The following ELK4 variants were observed in gnomAD, a reference collection of about 807,000 sequenced individuals.
The protein encoded by ELK4 is ETS domain-containing protein Elk-4.
ELK4 carries 16 observed loss-of-function variants against 29.6 expected under a neutral mutation model. The observed-to-expected ratio is 0.54, with a 90% CI of 0.37 to 0.82. ELK4 has a LOEUF of 0.82. Ranked by LOEUF, ELK4 falls within the 40% of genes least tolerant of loss-of-function variation. The pLI is 0.00. For missense variants in ELK4, 465 were observed against 507.1 expected (o/e 0.92, Z 0.80); for synonymous variants, 213 against 191.1 (o/e 1.11, Z -0.95).
Position 205,623,688 on chromosome 1 carries a change from G to C in ELK4, c.195C>G (p.Tyr65Ter). Residue 65 changes from tyrosine to a stop codon, truncating the protein, a stop_gained, in exon 2 of 5, where the codon TAC (tyrosine) becomes TAG (stop). Transcript: ENST00000357992. LOFTEE classifies it high-confidence loss of function. The stretch of plus-strand genomic sequence containing the variant: ...GGATGTGTACTACCTTTACATAATA[G>C]TATCTGAGGGCTCGGCTGAGTTTGT... ...NYDKLSRALR[Y>*]YYVKNIIKKV... 1 of 1,614,042 alleles carries C rather than the reference G, an allele frequency of 6.2e-7. No homozygotes were observed. The highest frequency in any genetic ancestry group is 8.5e-7 in the Non-Finnish European group (1 of 1,179,984).
chr1:205,626,169 G>A (rs994190123), intron 1 of ELK4: 3 of 635,330 alleles, frequency 4.7e-6, no homozygotes, highest in African/African-American at 1.8e-5. Flanking sequence ...CTACCCCTGA[G>A]CTGGAAGGGG....
intron 1 of ELK4, 115 bp from the exon 2 acceptor site, chr1:205,624,006 A>G: frequency 1.1e-6 from 1 of 931,728 alleles, no homozygotes; most frequent in Non-Finnish European, 1.6e-6. Context: ...CCACATTTCT[A>G]TAAGGTAGAT....
At chr1:205,619,892 T>C in intron 3 of ELK4, 74 bp downstream of exon 3, 2 of 1,614,138 alleles carry the variant, frequency 1.2e-6, no homozygotes, top group Non-Finnish European at 1.7e-6. Context: ...AACTTGAGTG[T>C]ATAAATTCTG....
rs1254853019 is a variant in ELK4 at position 205,614,987 on chromosome 1, G to A, written c.*1559C>T. On this transcript the variant is annotated 3_prime_UTR_variant, in exon 5 of 5. Transcript: ENST00000357992. Reference sequence around the variant, plus strand: ...TGTACCTGGCATTGATTACCATATAGTAATATTTTAAAAATTTGGTAATGT... The same window carrying A: ...TGTACCTGGCATTGATTACCATATAATAATATTTTAAAAATTTGGTAATGT... 4.8e-6 allele frequency: 1 copy of A among 207,212 alleles called. No individual in the cohort carries two copies. Among genetic ancestry groups the A allele is most frequent in the Non-Finnish European group, 9.8e-6 (1 of 101,846 alleles). The allele number at this position is 207,212 out of a possible 1,614,324, so 12.8% of individuals were successfully genotyped here. A position where few individuals can be genotyped will look rare whatever the true frequency, so the allele number is the denominator to read the frequency against.
At chr1:205,624,801 T>C (rs1053823902) in intron 1 of ELK4, among the ~76,000 whole-genome samples, 2 of 152,066 alleles carry the variant, frequency 1.3e-5, no homozygotes, top group Non-Finnish European at 2.9e-5. Context: ...ATTGAGACCA[T>C]CAAAAATATC....
rs567417427 is a variant in ELK4, at chr1:205,608,569, GA to G, written c.*7976del. On this transcript the variant is annotated 3_prime_UTR_variant, in exon 5 of 5. Transcript: ENST00000357992. ...ATTTTAATTGCTTTTTTAGGAAAAA[GA>G]AAAAAAAAAGGTGCTTTTAATACTT... is the stretch of plus-strand genomic sequence containing the variant. 291 of 176,202 alleles carry G rather than the reference GA, an allele frequency of 1.7e-3. 1 individual carries two copies. Among genetic ancestry groups the G allele is most frequent in the East Asian group, 4.3e-3 (45 of 10,390 alleles). 10.9% of individuals were successfully genotyped at this position (176,202 alleles called of 1,614,324 possible). A position where few individuals can be genotyped will look rare whatever the true frequency, so the allele number is the denominator to read the frequency against.
At position 205,631,944 on chromosome 1, in the gene ELK4, C is replaced by A. The variant is rs1054920359; in HGVS notation, c.-322G>T. 1 of 150,280 alleles carries A rather than the reference C, an allele frequency of 6.7e-6. No individual in the cohort carries two copies. Among genetic ancestry groups the A allele is most frequent in the Non-Finnish European group, 1.5e-5 (1 of 66,908 alleles). 9.3% of individuals were successfully genotyped at this position (150,280 alleles called of 1,614,324 possible). ...GCGTTCCTTGCAGCGGCGGGGCCTG[C>A]CAGGCCCTCCGCGGCCGCCGCCACT... On this transcript the variant is annotated 5_prime_UTR_variant, in exon 1 of 5. Coordinates refer to ENST00000357992, the MANE Select transcript of ELK4 (RefSeq NM_001973.4).
chr1:205,610,596 T>G lies in ELK4; in HGVS notation c.*5950A>C, dbSNP rs1032892617. ...GACTTTGTTTAGAGTATGTCACATG[T>G]AAGCAGTGTATTTCTAAAATGTTGG... On this transcript the variant is annotated 3_prime_UTR_variant, in exon 5 of 5. Transcript: ENST00000357992. The G allele has an allele frequency of 4.3e-6, 1 of 230,320 alleles. No homozygotes were observed. The highest frequency in any genetic ancestry group is 8.6e-6 in the Non-Finnish European group (1 of 116,314). 14.3% of individuals were successfully genotyped at this position (230,320 alleles called of 1,614,324 possible).
chr1:205,624,726 A>C (rs983798829), intron 1 of ELK4, among the ~76,000 whole-genome samples: 6 of 152,112 alleles, frequency 3.9e-5, no homozygotes, highest in African/African-American at 1.4e-4. Flanking sequence ...TGTCCTGTAC[A>C]CTGCAGTTTG....
At chr1:205,625,494 G>C (rs1670435043) in intron 1 of ELK4, 3 of 710,240 alleles carry the variant, frequency 4.2e-6, no homozygotes, top group Non-Finnish European at 7.9e-6. Context: ...TGAAATTCGT[G>C]TACAAAGAAG....
At chr1:205,623,523 T>C (rs1670393877) in intron 2 of ELK4, among the ~76,000 whole-genome samples, 153 bp downstream of exon 2, 1 of 151,998 alleles carries the variant, frequency 6.6e-6, no homozygotes, top group African/African-American at 2.4e-5. Context: ...CCACATCGGT[T>C]AGGCTGGTCT....
At chr1:205,621,272 AAACTTTCAAAATCACCTAAATTCATC>A (rs1375556530) in intron 2 of ELK4, among the ~76,000 whole-genome samples, 1 of 152,038 alleles carries the variant, frequency 6.6e-6, no homozygotes, top group East Asian at 1.9e-4. Context: ...CACTTACTTA[AAACTTTCAAAATCACCTAAATTCATC>A]TAGCCATACC....
Position 205,620,384 on chromosome 1 carries a change from G to A in ELK4, c.662C>T (p.Thr221Ile), listed in dbSNP as rs1670313481. The A allele has an allele frequency of 2.5e-6, 4 of 1,614,188 alleles. No homozygotes were observed. The highest frequency in any genetic ancestry group is 3.4e-6 in the Non-Finnish European group (4 of 1,180,036). Reference protein sequence around the residue: ...GPSISPSSEETIQALETLVSP... With the variant: ...GPSISPSSEEIIQALETLVSP... The stretch of plus-strand genomic sequence containing the variant: ...AACCAATGTCTCCAAAGCTTGGATA[G>A]TTTCTTCTGAAGATGGAGAAATACT... Residue 221 changes from threonine (T) to isoleucine (I), a missense_variant, in exon 3 of 5, where the codon ACT becomes ATT. By Grantham distance (89) the Thr-to-Ile change is moderately conservative. Around this residue, in one of 2 missense-constraint regions of ELK4, gnomAD observed 385 missense variants for 387.5 expected, o/e 0.99. Coordinates refer to ENST00000357992, the MANE Select transcript of ELK4 (RefSeq NM_001973.4).
At chr1:205,625,849 T>C in intron 1 of ELK4, 2 of 615,104 alleles carry the variant, frequency 3.3e-6, no homozygotes. Context: ...CAGCTAATTT[T>C]TGTATTTTTA....
At chr1:205,620,999 AG>A (rs1178031373) in intron 2 of ELK4, among the ~76,000 whole-genome samples, 161 bp from the exon 3 acceptor site, 13 of 152,200 alleles carry the variant, frequency 8.5e-5, no homozygotes, top group Middle Eastern at 3.4e-3. Context: ...GATTGAGACC[AG>A]CCTGGCCAAC....
chr1:205,619,700 G>A, intron 3 of ELK4: 3 of 1,432,908 alleles, frequency 2.1e-6, no homozygotes, highest in South Asian at 3.2e-5. Context: ...GAGAGTGTGT[G>A]TACTTTCTTT....
chr1:205,616,458 TAGAA>T lies in ELK4; in HGVS notation c.*84_*87del. 8.4e-7 allele frequency: 1 copy of T among 1,193,858 alleles called. No homozygotes were observed. The highest frequency in any genetic ancestry group is 1.3e-5 in the South Asian group (1 of 77,924). The allele number at this position is 1,193,858 out of a possible 1,614,324, so 74.0% of individuals were successfully genotyped here. ...TCACAATAGTCTATTATCAGCATTG[TAGAA>T]CTATCAATTGCTCACTTCAAATGCA... On this transcript the variant is annotated 3_prime_UTR_variant, in exon 5 of 5. Coordinates refer to ENST00000357992, the MANE Select transcript of ELK4 (RefSeq NM_001973.4).
At chr1:205,622,984 AAAC>A (rs1435825119) in intron 2 of ELK4, among the ~76,000 whole-genome samples, 1 of 151,814 alleles carries the variant, frequency 6.6e-6, no homozygotes, top group Non-Finnish European at 1.5e-5. Flanking sequence ...CTAAAAAAAT[AAAC>A]AAATAAATAA....
intron 1 of ELK4, among the ~76,000 whole-genome samples, chr1:205,627,483 T>C (rs1475252404): frequency 2.0e-5 from 3 of 151,054 alleles, no homozygotes; most frequent in Non-Finnish European, 4.4e-5. Flanking sequence ...CACTCCAGCC[T>C]GGGTGACAGA....
Sources: allele counts gnomAD v4.1 joint callset (sites outside exome capture counted in the v4.1 genomes callset), GRCh38; gene constraint gnomAD v4.1.1; regional missense constraint gnomAD v4.1.1; transcripts MANE v1.5; gene names NCBI Gene and HGNC (gene_info 2026-07-23, HGNC 2026-07-21).